CAMSAP2: variants seen among roughly 807,000 people sequenced by gnomAD.
CAMSAP2 encodes calmodulin regulated spectrin associated protein family member 2.
CAMSAP2 carries 26 observed loss-of-function variants against 146.1 expected under a neutral mutation model. That is an observed-to-expected ratio of 0.18 (90% confidence interval 0.13 to 0.25). The LOEUF (loss-of-function observed/expected upper bound fraction) is 0.25. Among genes scored for constraint, CAMSAP2 ranks in the 10% least tolerant of loss-of-function variants. The pLI, the probability that CAMSAP2 is intolerant of heterozygous loss-of-function variation, is 1.00. For missense variants in CAMSAP2, 1,381 were observed against 1,759.3 expected, an observed-to-expected ratio of 0.78 and a Z score of 3.85; for synonymous variants, 499 against 596.6, an observed-to-expected ratio of 0.84 and a Z score of 2.38.
At chr1:200,854,683 A>G in intron 13 of CAMSAP2, 134 bp from the exon 14 acceptor site, 1 of 568,220 alleles carries the variant, frequency 1.8e-6, no homozygotes, top group Non-Finnish European at 3.1e-6. Context: ...AGTACAGAGA[A>G]AAGGAAAAGA....
chr1:200,753,772 C>G (rs1320453157), intron 1 of CAMSAP2, among the ~76,000 whole-genome samples: 1 of 152,186 alleles, frequency 6.6e-6, no homozygotes, highest in Non-Finnish European at 1.5e-5. Context: ...CTGCTCCCCT[C>G]TGGCAGACCC....
At chr1:200,831,812 C>T (rs1194918064) in intron 4 of CAMSAP2, among the ~76,000 whole-genome samples, 1 of 151,828 alleles carries the variant, frequency 6.6e-6, no homozygotes, top group African/African-American at 2.4e-5. Flanking sequence ...TCTTGCTCTT[C>T]CCGTATAAGA....
chr1:200,782,134 A>C (rs1470686703), intron 2 of CAMSAP2, among the ~76,000 whole-genome samples: 3 of 152,178 alleles, frequency 2.0e-5, no homozygotes, highest in African/African-American at 7.2e-5. Context: ...AAGTAATAAA[A>C]ACACTAAAAA....
intron 2 of CAMSAP2, among the ~76,000 whole-genome samples, chr1:200,773,550 T>G (rs1472448398): frequency 6.6e-6 from 1 of 152,118 alleles, no homozygotes; most frequent in African/African-American, 2.4e-5. Context: ...AGCTACCATG[T>G]CCGGCCTCAT....
Position 200,739,964 on chromosome 1 carries a change from C to T in CAMSAP2, c.137C>T (p.Thr46Ile), listed in dbSNP as rs1479066025. 3 of 1,613,932 alleles carry T rather than the reference C, an allele frequency of 1.9e-6. No individual in the cohort carries two copies. Among genetic ancestry groups the T allele is most frequent in the Non-Finnish European group, 2.5e-6 (3 of 1,179,972 alleles). ...TGGCTGGTGGCCAAAGCCTTTGGGA[C>T]AGGTTAGTGGTGTCACCCTTTCCCT... ...LAWLVAKAFG[T>I]ENVPEELQEP... Residue 46 changes from threonine (T) to isoleucine (I), a missense_variant and splice_region_variant, in exon 1 of 17, where the codon ACA becomes ATA. Transcript: ENST00000358823. This position sits in a 1 kb window ranked among gnomAD's most constrained non-coding sequence, Gnocchi z 4.8.
chr1:200,741,090 C>A (rs560744183), intron 1 of CAMSAP2, among the ~76,000 whole-genome samples: 1 of 152,082 alleles, frequency 6.6e-6, no homozygotes, highest in African/African-American at 2.4e-5. Context: ...ACTGCTTAAA[C>A]TTACACAGCT....
At chr1:200,810,336 T>C (rs1286253029) in intron 3 of CAMSAP2, among the ~76,000 whole-genome samples, 2 of 152,166 alleles carry the variant, frequency 1.3e-5, no homozygotes, top group African/African-American at 4.8e-5. Flanking sequence ...TCCCAGCACT[T>C]TGGGAGGCCC....
rs1350382235 is a variant in CAMSAP2 at position 200,857,875 on chromosome 1, G to A, written c.4253G>A (p.Gly1418Asp). The change falls in exon 17 of 17, where the codon GGC becomes GAC. Residue 1418 changes from glycine to aspartate, a missense_variant. By Grantham distance (94) the Gly-to-Asp change is moderately conservative. Around this residue, in one of 4 missense-constraint regions of CAMSAP2, gnomAD observed 90 missense variants for 174.4 expected, o/e 0.52. Coordinates refer to ENST00000358823, the MANE Select transcript of CAMSAP2 (RefSeq NM_203459.4). This position sits in a 1 kb window ranked among gnomAD's most constrained non-coding sequence, Gnocchi z 4.7. ...TEEINKLTGI[G>D]PKSITKKMIE... is the part of the protein sequence containing the mutation. Reference sequence around the variant, plus strand: ...GAAATCAATAAACTGACTGGGATAGGCCCTAAATCTATCACTAAAAAAATG... The same window carrying A: ...GAAATCAATAAACTGACTGGGATAGACCCTAAATCTATCACTAAAAAAATG... The A allele has an allele frequency of 6.2e-7, 1 of 1,613,626 alleles. No homozygotes were observed. The highest frequency in any genetic ancestry group is 1.3e-5 in the African/African-American group (1 of 74,868).
At chr1:200,770,580 AT>A (rs1306045322) in intron 2 of CAMSAP2, among the ~76,000 whole-genome samples, 1 of 151,858 alleles carries the variant, frequency 6.6e-6, no homozygotes, top group African/African-American at 2.4e-5. Flanking sequence ...CACCCAGCTA[AT>A]TTTTTTGTAT....
chr1:200,851,860 C>T (rs1667627464), intron 11 of CAMSAP2, among the ~76,000 whole-genome samples: 1 of 152,214 alleles, frequency 6.6e-6, no homozygotes, highest in African/African-American at 2.4e-5. Flanking sequence ...CAGCTTGTTA[C>T]TTTGCTGAAT....
intron 1 of CAMSAP2, among the ~76,000 whole-genome samples, chr1:200,748,001 AAAAAG>A (rs1201057358): frequency 6.6e-6 from 1 of 151,734 alleles, no homozygotes; most frequent in Non-Finnish European, 1.5e-5. Flanking sequence ...AAAAAAAAAA[AAAAAG>A]AAAATGGCTG....
At chr1:200,743,782 A>G (rs1205392907) in intron 1 of CAMSAP2, among the ~76,000 whole-genome samples, 2 of 151,734 alleles carry the variant, frequency 1.3e-5, no homozygotes, top group Non-Finnish European at 2.9e-5. Flanking sequence ...CTCTACTAAA[A>G]ATAGAAAAAT....
At chr1:200,817,183 C>CAT (rs1370112352) in intron 4 of CAMSAP2, among the ~76,000 whole-genome samples, 691 of 66,108 alleles carry the variant, frequency 0.01, 10 homozygotes, top group African/African-American at 0.023. Context: ...TATATACACA[C>CAT]ACACACATGT....
At position 200,832,013 on chromosome 1, in the gene CAMSAP2, A is replaced by C; in HGVS notation, c.646-187A>C. Reference sequence around the variant, plus strand: ...ATTAAGTATTGAGCTTCAAAACTATAGCTATTGTTGCCGTGTATTTAACTT... The same window carrying C: ...ATTAAGTATTGAGCTTCAAAACTATCGCTATTGTTGCCGTGTATTTAACTT... On this transcript the variant is annotated intron_variant, in intron 4 of 16. Coordinates refer to ENST00000358823, the MANE Select transcript of CAMSAP2 (RefSeq NM_203459.4). The surrounding 1 kb of genome is among the most constrained non-coding windows in gnomAD (Gnocchi z 4.2). The C allele has an allele frequency of 3.7e-6, 2 of 535,586 alleles. No individual in the cohort carries two copies. The highest frequency in any genetic ancestry group is 6.6e-6 in the Non-Finnish European group (2 of 304,538). 33.2% of individuals were successfully genotyped at this position (535,586 alleles called of 1,614,324 possible).
intron 4 of CAMSAP2, among the ~76,000 whole-genome samples, chr1:200,828,929 G>GGGCA (rs1666972771): frequency 6.6e-6 from 1 of 151,530 alleles, no homozygotes; most frequent in African/African-American, 2.4e-5. Context: ...AGGCCAAGGT[G>GGGCA]GGCAGATCAT....
In CAMSAP2 at chr1:200,815,079, C is replaced by T. The variant is rs1666445719; in HGVS notation, c.562-482C>T. ...TGCAGAAATTTTGCATGTGTTTTAA[C>T]TGTGGCATTATGACTGCCCTAAACT... On this transcript the variant is annotated intron_variant, in intron 3 of 16. Transcript: ENST00000358823. 2.0e-5 allele frequency among the ~76,000 whole-genome samples: 3 copies of T among 151,924 alleles called. No individual in the cohort carries two copies. The South Asian group carries it at 6.2e-4, about 32-fold the overall frequency.
intron 3 of CAMSAP2, among the ~76,000 whole-genome samples, chr1:200,812,024 C>T (rs1666345306): frequency 6.6e-6 from 1 of 152,144 alleles, no homozygotes; most frequent in Non-Finnish European, 1.5e-5. Flanking sequence ...TTCCTGACAA[C>T]CTTATCTAAA....
At chr1:200,806,199 A>G (rs1394394752) in intron 2 of CAMSAP2, among the ~76,000 whole-genome samples, 1 of 152,228 alleles carries the variant, frequency 6.6e-6, no homozygotes, top group Non-Finnish European at 1.5e-5. Flanking sequence ...CCTCAATGAC[A>G]GAAGGTTAAA....
At chr1:200,775,765 A>T (rs1558171879) in intron 2 of CAMSAP2, among the ~76,000 whole-genome samples, 1 of 152,156 alleles carries the variant, frequency 6.6e-6, no homozygotes, top group Non-Finnish European at 1.5e-5. Context: ...TCCTGACCTC[A>T]GGTGATCCAC....
Sources: allele counts gnomAD v4.1 joint callset (sites outside exome capture counted in the v4.1 genomes callset), GRCh38; gene constraint gnomAD v4.1.1; regional missense constraint gnomAD v4.1.1; non-coding constraint Gnocchi (gnomAD v3.1); transcripts MANE v1.5; gene names NCBI Gene and HGNC (gene_info 2026-07-23, HGNC 2026-07-21).